Variants in CDC42BPA observed in about 807,000 individuals in gnomAD.
CDC42BPA encodes the protein CDC42 binding protein kinase alpha.
CDC42BPA carries 80 observed loss-of-function variants against 223.5 expected under a neutral mutation model. The ratio of observed to expected loss-of-function variants is 0.36; its 90% CI spans 0.30 to 0.43. The LOEUF (loss-of-function observed/expected upper bound fraction) is 0.43, where lower values mean the gene tolerates loss of function less well. CDC42BPA is among the 20% of genes least tolerant of loss of function. The probability of loss-of-function intolerance (pLI) is 1.00; values close to 1 mark genes in which losing one functional copy is unlikely to be tolerated. For missense variants in CDC42BPA, 1,743 were observed against 2,099.9 expected (o/e 0.83, Z 3.32); for synonymous variants, 694 against 718.6 (o/e 0.97, Z 0.55).
At chr1:227,038,352 GTA>G (rs1337197149) in intron 24 of CDC42BPA, among the ~76,000 whole-genome samples, 2 of 152,110 alleles carry the variant, frequency 1.3e-5, no homozygotes, top group African/African-American at 2.4e-5. Flanking sequence ...GCAGTCTTGG[GTA>G]TATCTTTATT....
intron 1 of CDC42BPA, among the ~76,000 whole-genome samples, chr1:227,275,014 G>A (rs1172018993): frequency 6.6e-6 from 1 of 152,104 alleles, no homozygotes; most frequent in Non-Finnish European, 1.5e-5. Context: ...GATAAGTGAA[G>A]CATACAAAAG....
chr1:227,213,122 C>A lies in CDC42BPA; in HGVS notation c.354+14G>T. 7.9e-7 allele frequency: 1 copy of A among 1,263,800 alleles called. No individual in the cohort carries two copies. Among genetic ancestry groups the A allele is most frequent in the Non-Finnish European group, 1.1e-6 (1 of 878,968 alleles). 78.3% of individuals were successfully genotyped at this position (1,263,800 alleles called of 1,614,324 possible). ...TCTAAAATATTTATATATTCCAATA[C>A]ATAAGACTCTTACCTCAGCTCTTTT... On this transcript the variant is annotated intron_variant, in intron 3 of 36. Coordinates refer to ENST00000366766, the MANE Select transcript of CDC42BPA (RefSeq NM_001394014.1).
chr1:227,245,533 T>G (rs1680785847), intron 2 of CDC42BPA, among the ~76,000 whole-genome samples: 1 of 152,070 alleles, frequency 6.6e-6, no homozygotes, highest in Non-Finnish European at 1.5e-5. Context: ...TCAGGTGATC[T>G]GCCCACCTTG....
chr1:227,150,259 A>G (rs1661495288), intron 6 of CDC42BPA, among the ~76,000 whole-genome samples: 1 of 151,774 alleles, frequency 6.6e-6, no homozygotes, highest in East Asian at 1.9e-4. Context: ...AAAAGTACTC[A>G]GAAGATAAAT....
At chr1:227,289,881 G>C (rs1032217381) in intron 1 of CDC42BPA, among the ~76,000 whole-genome samples, 47 of 71,722 alleles carry the variant, frequency 6.6e-4, no homozygotes, top group Admixed American at 1.1e-3. Context: ...GTGAGACCCT[G>C]TCTCTACAAA....
At chr1:227,295,973 G>A (rs1270342823) in intron 1 of CDC42BPA, among the ~76,000 whole-genome samples, 2 of 152,146 alleles carry the variant, frequency 1.3e-5, no homozygotes, top group African/African-American at 2.4e-5. Flanking sequence ...ATAAAGAAGA[G>A]CCCTAACAAA....
Position 227,317,170 on chromosome 1 carries a change from C to A in CDC42BPA, c.13G>T (p.Val5Leu). The change falls in exon 1 of 37, where the codon GTG (valine) becomes TTG (leucine). Residue 5 changes from valine to leucine, a missense_variant. By Grantham distance (32) the Val-to-Leu change is conservative. This residue lies in a region of CDC42BPA where 321 missense variants were observed against 488.7 expected (regional missense o/e 0.66). Coordinates refer to ENST00000366766, the MANE Select transcript of CDC42BPA (RefSeq NM_001394014.1). ...AACTGCTCCAACTGCCTCAAACGCA[C>A]TTCTCCAGACATGTTTGCTTCGATT... MSGE[V>L]RLRQLEQFIL... 1 of 1,610,980 alleles carries A rather than the reference C, an allele frequency of 6.2e-7. No homozygotes were observed. Among genetic ancestry groups the A allele is most frequent in the Non-Finnish European group, 8.5e-7 (1 of 1,179,216 alleles).
intron 5 of CDC42BPA, among the ~76,000 whole-genome samples, chr1:227,166,323 ATAT>A (rs1475404364): frequency 2.0e-5 from 3 of 152,188 alleles, no homozygotes; most frequent in Admixed American, 2.0e-4. Flanking sequence ...GTGTTTGAAA[ATAT>A]TTAAGTTTTA....
At chr1:227,191,590 A>G (rs1669712821) in intron 5 of CDC42BPA, among the ~76,000 whole-genome samples, 1 of 152,214 alleles carries the variant, frequency 6.6e-6, no homozygotes. Flanking sequence ...TATAATTTTC[A>G]GAAGCAGTTA....
rs1694578833 is a variant in CDC42BPA at position 227,317,414 on chromosome 1, T to C, written c.-232A>G. The C allele has an allele frequency of 2.3e-6, 1 of 427,936 alleles. No individual in the cohort carries two copies. The allele number at this position is 427,936 out of a possible 1,614,324, so 26.5% of individuals were successfully genotyped here. ...ATTTTGAGGGTAAATTACCATAAAA[T>C]ATATACTTAATGCATTTTTAAAAGA... On this transcript the variant is annotated 5_prime_UTR_variant, in exon 1 of 37. The change creates a new upstream start codon in the 5' untranslated region. Transcript: ENST00000366766.
intron 23 of CDC42BPA, among the ~76,000 whole-genome samples, 173 bp downstream of exon 23, chr1:227,047,754 C>A (rs73089765): frequency 1.3e-5 from 2 of 151,994 alleles, no homozygotes; most frequent in Non-Finnish European, 2.9e-5. Flanking sequence ...AAGTGCTGTA[C>A]GCTCTCCCTA....
chr1:227,019,787 T>C lies in CDC42BPA; in HGVS notation c.4616-2737A>G, dbSNP rs145209824. On this transcript the variant is annotated intron_variant, in intron 32 of 36. Coordinates refer to ENST00000366766, the MANE Select transcript of CDC42BPA (RefSeq NM_001394014.1). ...AAAGAAGTATTACTTTTCTGAGCAG[T>C]AGATCTCAACAGTGGGCTTAAAATT... 9.7e-4 allele frequency among the ~76,000 whole-genome samples: 147 copies of C among 152,298 alleles called. 1 individual carries two copies. In the Middle Eastern group the frequency reaches 0.014, roughly 14 times the overall value.
chr1:227,305,209 C>T (rs1692331813), intron 1 of CDC42BPA, among the ~76,000 whole-genome samples: 2 of 152,128 alleles, frequency 1.3e-5, no homozygotes, highest in African/African-American at 4.8e-5. Flanking sequence ...ACTATACTTG[C>T]AATGTTTCTG....
Position 227,317,614 on chromosome 1 carries a change from G to A in CDC42BPA, c.-432C>T. The A allele has an allele frequency of 2.5e-6, 1 of 398,116 alleles. No individual in the cohort carries two copies. The highest frequency in any genetic ancestry group is 4.4e-6 in the Non-Finnish European group (1 of 226,030). 24.7% of individuals were successfully genotyped at this position (398,116 alleles called of 1,614,324 possible). A position where few individuals can be genotyped will look rare whatever the true frequency, so the allele number is the denominator to read the frequency against. ...ATCATTAATGAATAAAGTCCGATTT[G>A]CATCAGCAATTCACTTCCCGGGAAG... is the stretch of plus-strand genomic sequence containing the variant. On this transcript the variant is annotated 5_prime_UTR_variant, in exon 1 of 37. It introduces an in-frame stop codon into an upstream open reading frame of the 5' UTR. Transcript: ENST00000366766.
intron 21 of CDC42BPA, chr1:227,069,184 C>T (rs1426146960): frequency 1.3e-5 from 2 of 152,084 alleles, no homozygotes; most frequent in East Asian, 3.8e-4. Flanking sequence ...GATATAATCA[C>T]ACTTAAATTT....
intron 1 of CDC42BPA, among the ~76,000 whole-genome samples, chr1:227,310,883 C>T (rs11808684): frequency 3.3e-5 from 5 of 150,896 alleles, no homozygotes; most frequent in African/African-American, 1.2e-4. Flanking sequence ...AGTAGAGACG[C>T]GGTTTCACCA....
chr1:227,291,419 C>A (rs565556784), intron 1 of CDC42BPA, among the ~76,000 whole-genome samples: 24 of 152,120 alleles, frequency 1.6e-4, no homozygotes, highest in Middle Eastern at 6.8e-3. Context: ...CATGGTGGCA[C>A]GCGCCTGTCA....
At chr1:227,162,778 G>A (rs1278257103) in intron 5 of CDC42BPA, among the ~76,000 whole-genome samples, 1 of 152,144 alleles carries the variant, frequency 6.6e-6, no homozygotes, top group Non-Finnish European at 1.5e-5. Flanking sequence ...CAAGGCTGCA[G>A]TGAGCCGTGA....
At chr1:227,268,611 T>C (rs1383942254) in intron 1 of CDC42BPA, among the ~76,000 whole-genome samples, 1 of 129,052 alleles carries the variant, frequency 7.7e-6, no homozygotes, top group African/African-American at 2.8e-5. Context: ...GTGTGTATAG[T>C]GTGTGTATAT....
Sources: gnomAD v4.1 joint callset for allele counts (sites outside exome capture counted in the v4.1 genomes callset) on GRCh38, gnomAD v4.1.1 for gene constraint, gnomAD v4.1.1 regional missense constraint, MANE v1.5 for transcripts, NCBI Gene and HGNC (gene_info 2026-07-23, HGNC 2026-07-21) for gene names.